The following ZNF562 variants were observed in gnomAD, a reference collection of about 807,000 sequenced individuals.
ZNF562 encodes zinc finger protein 562.
In ZNF562, 13 loss-of-function variants were observed where a neutral mutation model predicts 17.5. That is an observed-to-expected ratio of 0.74 (90% CI 0.48 to 1.18). ZNF562 has a LOEUF of 1.18. Among genes scored for constraint, ZNF562 ranks in the 50% most tolerant of loss-of-function variants. The pLI, the probability that ZNF562 is intolerant of heterozygous loss-of-function variation, is 0.00. For synonymous variants in ZNF562, 163 were observed against 165.4 expected (o/e 0.99, Z 0.11); for missense variants, 481 against 498.5 (o/e 0.96, Z 0.33).
At chr19:9,658,719 TTTTTAA>T (rs1035123923) in intron 3 of ZNF562, among the ~76,000 whole-genome samples, 56 of 152,244 alleles carry the variant, frequency 3.7e-4, no homozygotes, top group African/African-American at 1.3e-3. Flanking sequence ...TTTTTAATTT[TTTTTAA>T]TTTTAATTTT....
At chr19:9,659,354 G>A (rs1446310247) in intron 3 of ZNF562, 25 bp downstream of exon 3, 4 of 1,538,086 alleles carry the variant, frequency 2.6e-6, no homozygotes, top group Non-Finnish European at 3.5e-6. Flanking sequence ...ATGTCATTTT[G>A]TACAACGGTA....
At chr19:9,662,724 C>CA (rs971617503) in intron 1 of ZNF562, among the ~76,000 whole-genome samples, 15 of 151,664 alleles carry the variant, frequency 9.9e-5, no homozygotes, top group Admixed American at 8.5e-4. Flanking sequence ...TACTAAAATA[C>CA]AAAAAATTAG....
intron 1 of ZNF562, among the ~76,000 whole-genome samples, chr19:9,673,067 C>T (rs2145059341): frequency 6.6e-6 from 1 of 152,180 alleles, no homozygotes; most frequent in Non-Finnish European, 1.5e-5. Context: ...ATCAATAACT[C>T]ACATCTGTTC....
intron 1 of ZNF562, among the ~76,000 whole-genome samples, chr19:9,671,505 T>C (rs1404950123): frequency 1.3e-5 from 2 of 151,742 alleles, no homozygotes; most frequent in South Asian, 2.1e-4. Context: ...AGCATGGAGG[T>C]TTCTCAAAAA....
rs12460391 is a variant in ZNF562 at position 9,649,418 on chromosome 19, A to T, written c.*3531T>A. The T allele has an allele frequency of 6.6e-6, 1 of 152,090 alleles. No homozygotes were observed. The highest frequency in any genetic ancestry group is 1.5e-5 in the Non-Finnish European group (1 of 68,034). 9.4% of individuals were successfully genotyped at this position (152,090 alleles called of 1,614,324 possible). A position where few individuals can be genotyped will look rare whatever the true frequency, so the allele number is the denominator to read the frequency against. Reference sequence around the variant, plus strand: ...CTTAAATTCTGACCGCCGGTGAGCCAGGTGGAACAAAGCCACATTTCTCTT... The same window carrying T: ...CTTAAATTCTGACCGCCGGTGAGCCTGGTGGAACAAAGCCACATTTCTCTT... On this transcript the variant is annotated 3_prime_UTR_variant, in exon 6 of 6. Transcript: ENST00000453372.
In ZNF562 at chr19:9,655,717, C is replaced by CTTTTTTTTTTTTTTTTTT. The variant is rs58199071; in HGVS notation, c.348+812_348+829dup. Among the ~76,000 whole-genome samples, 4 of 48,694 alleles carry CTTTTTTTTTTTTTTTTTT rather than the reference C, an allele frequency of 8.2e-5. 1 individual carries two copies. Among genetic ancestry groups the CTTTTTTTTTTTTTTTTTT allele is most frequent in the Non-Finnish European group, 1.4e-4 (4 of 28,146 alleles). 31.9% of individuals were successfully genotyped at this position (48,694 alleles called of 152,430 possible). Reference sequence around the variant, plus strand: ...TTACAGGATTCACTTTCTTTTCTTTCTTTTTTTTTTTTTTTTTTTTTTTTT... The same window carrying CTTTTTTTTTTTTTTTTTT: ...TTACAGGATTCACTTTCTTTTCTTTCTTTTTTTTTTTTTTTTTTTTTTTTTTTTTTTTTTTTTTTTTTT... On this transcript the variant is annotated intron_variant, in intron 5 of 5. Coordinates refer to ENST00000453372, the MANE Select transcript of ZNF562 (RefSeq NM_001130031.2).
chr19:9,663,248 C>CAAAAAAAA (rs59452070), intron 1 of ZNF562, among the ~76,000 whole-genome samples: 12,038 of 129,296 alleles, frequency 0.093, 805 homozygotes, highest in African/African-American at 0.18. Context: ...ACTAAAAATA[C>CAAAAAAAA]AAAAAAAAAA....
intron 4 of ZNF562, 125 bp from the exon 5 acceptor site, chr19:9,656,778 A>G (rs1419990608): frequency 1.1e-6 from 1 of 876,756 alleles, no homozygotes; most frequent in African/African-American, 1.7e-5. Context: ...TAATCCCAGG[A>G]CTTTGGGAGG....
chr19:9,669,429 G>A (rs748973575), intron 1 of ZNF562, among the ~76,000 whole-genome samples: 27 of 152,102 alleles, frequency 1.8e-4, no homozygotes, highest in Admixed American at 1.1e-3. Flanking sequence ...CATTTAGAGT[G>A]GCTTTTATAA....
chr19:9,663,763 G>A (rs967233207), intron 1 of ZNF562, among the ~76,000 whole-genome samples: 7 of 151,632 alleles, frequency 4.6e-5, no homozygotes, highest in South Asian at 2.1e-4. Flanking sequence ...TGCAGCCGCC[G>A]CCTCCCAGGT....
chr19:9,647,114 G>A lies in ZNF562; in HGVS notation c.*5835C>T, dbSNP rs750809107. ...TTTTTTTTTTTTGAGACGGATTCTCGCTCTGTCGTCAGGCTGGAGTGCAGT... is the reference window on the plus strand; with the variant it reads ...TTTTTTTTTTTTGAGACGGATTCTCACTCTGTCGTCAGGCTGGAGTGCAGT... On this transcript the variant is annotated 3_prime_UTR_variant, in exon 6 of 6. Transcript: ENST00000453372. The A allele has an allele frequency of 1.5e-4, 20 of 134,524 alleles. No individual in the cohort carries two copies. The East Asian group carries it at 2.0e-3, about 13-fold the overall frequency. The allele number at this position is 134,524 out of a possible 1,614,324, so 8.3% of individuals were successfully genotyped here.
chr19:9,663,570 T>G (rs532699377), intron 1 of ZNF562, among the ~76,000 whole-genome samples: 24 of 143,722 alleles, frequency 1.7e-4, no homozygotes, highest in African/African-American at 6.7e-4. Context: ...TGTAGATGGG[T>G]TTTTTTTTGT....
At chr19:9,669,756 A>ACACG (rs2044106298) in intron 1 of ZNF562, among the ~76,000 whole-genome samples, 1 of 150,504 alleles carries the variant, frequency 6.6e-6, no homozygotes, top group Admixed American at 6.6e-5. Context: ...ACACACACAC[A>ACACG]CACACACACA....
In ZNF562 at chr19:9,656,623, T is replaced by G; in HGVS notation, c.272A>C (p.Glu91Ala). The G allele has an allele frequency of 6.2e-7, 1 of 1,614,074 alleles. No individual in the cohort carries two copies. Among genetic ancestry groups the G allele is most frequent in the South Asian group, 1.1e-5 (1 of 91,076 alleles). The change falls in exon 5 of 6, where the codon GAA becomes GCA. Residue 91 changes from glutamate (E) to alanine (A), a missense_variant. This residue lies in a region of ZNF562 where 403 missense variants were observed against 386.4 expected (regional missense o/e 1.04). Coordinates refer to ENST00000453372, the MANE Select transcript of ZNF562 (RefSeq NM_001130031.2). ...DFFFCLTSEW[E>A]IQPRTKRSSL... The stretch of plus-strand genomic sequence containing the variant: ...TGACCGTTTGGTTCTAGGTTGTATT[T>G]CCCATTCTGAAGTTAAGCAGAAAAA...
In ZNF562 at chr19:9,670,895, G is replaced by A. The variant is rs559428472; in HGVS notation, c.-131+4120C>T. 1.2e-4 allele frequency among the ~76,000 whole-genome samples: 19 copies of A among 152,068 alleles called. No individual in the cohort carries two copies. The South Asian group carries it at 3.7e-3, about 30-fold the overall frequency. On this transcript the variant is annotated intron_variant, in intron 1 of 5. Transcript: ENST00000453372. ...CCCCTTAATCCTAGCTACTCGGGAG[G>A]CTGAGGCAGGAGAATCACTTGAATC...
At position 9,653,419 on chromosome 19, in the gene ZNF562, T is replaced by C. The variant is rs753657483; in HGVS notation, c.811A>G (p.Asn271Asp). 4 of 1,614,218 alleles carry C rather than the reference T, an allele frequency of 2.5e-6. No individual in the cohort carries two copies. In the South Asian group the frequency reaches 4.4e-5, roughly 18 times the overall value. Reference protein sequence around the residue: ...KTKNCGKSFTNFSQLSAHAKT... With the variant: ...KTKNCGKSFTDFSQLSAHAKT... Reference sequence around the variant, plus strand: ...GCATGTGCAGAAAGTTGAGAAAAATTAGTGAAGGATTTCCCACAGTTCTTA... The same window carrying C: ...GCATGTGCAGAAAGTTGAGAAAAATCAGTGAAGGATTTCCCACAGTTCTTA... Residue 271 changes from asparagine to aspartate, a missense_variant, in exon 6 of 6, where the codon AAT becomes GAT. Asn to Asp is a conservative substitution (Grantham distance 23). This residue lies in a region of ZNF562 where 403 missense variants were observed against 386.4 expected (regional missense o/e 1.04). Coordinates refer to ENST00000453372, the MANE Select transcript of ZNF562 (RefSeq NM_001130031.2).
intron 5 of ZNF562, among the ~76,000 whole-genome samples, chr19:9,656,263 A>T (rs1229966693): frequency 2.0e-5 from 3 of 152,198 alleles, no homozygotes; most frequent in Admixed American, 6.5e-5. Flanking sequence ...TAATCCCAGC[A>T]CTTTGGGAGG....
chr19:9,674,546 C>T (rs1296969322), intron 1 of ZNF562: 1 of 150,844 alleles, frequency 6.6e-6, no homozygotes, highest in Admixed American at 6.6e-5. Context: ...GACATCAAGA[C>T]AACGCCAGAT....
At chr19:9,663,171 C>T (rs146797363) in intron 1 of ZNF562, among the ~76,000 whole-genome samples, 4,618 of 149,202 alleles carry the variant, frequency 0.031, 241 homozygotes, top group African/African-American at 0.11. Context: ...TTTGGGAGGC[C>T]GAGGCGGGTG....
Sources: gnomAD v4.1 joint callset for allele counts (sites outside exome capture counted in the v4.1 genomes callset) on GRCh38, gnomAD v4.1.1 for gene constraint, gnomAD v4.1.1 regional missense constraint, MANE v1.5 for transcripts, NCBI Gene and HGNC (gene_info 2026-07-23, HGNC 2026-07-21) for gene names.